BTG4: variants seen among roughly 807,000 people sequenced by gnomAD.
The protein encoded by BTG4 is BTG anti-proliferation factor 4, also known as protein BTG4.
A neutral mutation model predicts 19.3 loss-of-function variants in BTG4; 10 were observed. That is an observed-to-expected ratio of 0.52 (90% CI 0.32 to 0.88). The LOEUF is 0.88. Among genes scored for constraint, BTG4 ranks in the 40% least tolerant of loss-of-function variants. The pLI, the probability that BTG4 is intolerant of heterozygous loss-of-function variation, is 0.04. For synonymous variants in BTG4, 91 were observed against 95.7 expected (o/e 0.95, Z 0.29); for missense variants, 238 against 281.9 (o/e 0.84, Z 1.11).
chr11:111,387,201 T>C, the BTG4 span, among the ~76,000 whole-genome samples: 1 of 152,214 alleles, frequency 6.6e-6, no homozygotes, highest in Non-Finnish European at 1.5e-5. Context: ...CTTCAAACTT[T>C]ACCAATTTCT....
chr11:111,425,669 G>A, the BTG4 span, among the ~76,000 whole-genome samples: 1 of 152,144 alleles, frequency 6.6e-6, no homozygotes, highest in Non-Finnish European at 1.5e-5. Context: ...AATAGGGTAT[G>A]AATGCAAGAG....
chr11:111,408,190 G>A, the BTG4 span, among the ~76,000 whole-genome samples: 4 of 152,220 alleles, frequency 2.6e-5, no homozygotes, highest in African/African-American at 7.2e-5. Flanking sequence ...CACTGGAGCT[G>A]AGGCCACACT....
intron 1 of BTG4, among the ~76,000 whole-genome samples, chr11:111,510,057 G>T (rs547441488): frequency 6.6e-6 from 1 of 151,590 alleles, no homozygotes; most frequent in East Asian, 2.0e-4. Context: ...AACTACAGGC[G>T]CGCACCACCA....
At chr11:111,432,224 CG>C in the BTG4 span, among the ~76,000 whole-genome samples, 1 of 152,170 alleles carries the variant, frequency 6.6e-6, no homozygotes, top group African/African-American at 2.4e-5. Context: ...CAGGGTATTT[CG>C]CTGTGGAGCC....
At position 111,497,015 on chromosome 11, in the gene BTG4, C is replaced by T. The variant is rs1865777556; in HGVS notation, c.510+196G>A. 1.4e-5 allele frequency: 6 copies of T among 441,496 alleles called. No individual in the cohort carries two copies. In the East Asian group the frequency reaches 2.0e-4, roughly 15 times the overall value. The allele number at this position is 441,496 out of a possible 1,614,324, so 27.3% of individuals were successfully genotyped here. Reference sequence around the variant, plus strand: ...TAAAAGATTATGTGGATCCTAAAAGCTCAGCCAAGTGTAGGGAATACATTG... The same window carrying T: ...TAAAAGATTATGTGGATCCTAAAAGTTCAGCCAAGTGTAGGGAATACATTG... On this transcript the variant is annotated intron_variant, in intron 4 of 4. Coordinates refer to ENST00000692032, the MANE Select transcript of BTG4 (RefSeq NM_001367975.1).
chr11:111,421,270 A>T, the BTG4 span, among the ~76,000 whole-genome samples: 1 of 152,220 alleles, frequency 6.6e-6, no homozygotes, highest in Non-Finnish European at 1.5e-5. Flanking sequence ...ATGAGATGGC[A>T]TAATTAGCTA....
the BTG4 span, chr11:111,397,470 TTC>T: frequency 6.6e-6 from 1 of 152,332 alleles, no homozygotes; most frequent in African/African-American, 2.4e-5. Context: ...ACACCAGCGC[TTC>T]TCTCTGTCTA....
chr11:111,487,205 T>C (rs990503968), intron 5 of BTG4, among the ~76,000 whole-genome samples: 1 of 152,258 alleles, frequency 6.6e-6, no homozygotes, highest in African/African-American at 2.4e-5. Flanking sequence ...CCACATTTTC[T>C]TTATCCAGAC....
At chr11:111,460,989 T>C in the BTG4 span, among the ~76,000 whole-genome samples, 1 of 152,204 alleles carries the variant, frequency 6.6e-6, no homozygotes, top group Admixed American at 6.5e-5. Flanking sequence ...TCCCATTTAT[T>C]TTTATGTTTA....
the BTG4 span, among the ~76,000 whole-genome samples, chr11:111,420,840 C>A: frequency 6.6e-6 from 1 of 152,146 alleles, no homozygotes; most frequent in Non-Finnish European, 1.5e-5. Flanking sequence ...TACATTCTAG[C>A]AGAGAAAAAT....
the BTG4 span, among the ~76,000 whole-genome samples, chr11:111,445,346 A>G: frequency 6.6e-6 from 1 of 152,168 alleles, no homozygotes; most frequent in South Asian, 2.1e-4. Flanking sequence ...CTGGATTCAC[A>G]GCAAAGCCTC....
intron 1 of BTG4, among the ~76,000 whole-genome samples, chr11:111,500,255 C>T (rs1271141745): frequency 9.2e-5 from 14 of 152,208 alleles, no homozygotes; most frequent in African/African-American, 3.4e-4. Flanking sequence ...ATCAAGTTCC[C>T]CCAGGTGATT....
chr11:111,435,746 C>A, the BTG4 span, among the ~76,000 whole-genome samples: 1 of 152,150 alleles, frequency 6.6e-6, no homozygotes, highest in Non-Finnish European at 1.5e-5. Flanking sequence ...CAGCCCTCAA[C>A]CCCCCAGGGT....
At chr11:111,393,371 C>T in the BTG4 span, among the ~76,000 whole-genome samples, 1 of 152,140 alleles carries the variant, frequency 6.6e-6, no homozygotes, top group Non-Finnish European at 1.5e-5. Context: ...TCCTTGCAGC[C>T]CTCCACACCC....
chr11:111,513,242 G>A (rs949632577), upstream of BTG4, among the ~76,000 whole-genome samples: 6 of 152,234 alleles, frequency 3.9e-5, no homozygotes, highest in African/African-American at 1.4e-4. Flanking sequence ...TGCCAGGAAA[G>A]CAAAATCCCT....
At chr11:111,395,960 G>A in the BTG4 span, among the ~76,000 whole-genome samples, 10 of 152,304 alleles carry the variant, frequency 6.6e-5, no homozygotes, top group South Asian at 4.1e-4. Context: ...CGCAGAAGCC[G>A]CCCCGGAGGC....
intron 5 of BTG4, among the ~76,000 whole-genome samples, chr11:111,481,822 C>T (rs1864758677): frequency 6.6e-6 from 1 of 151,646 alleles, no homozygotes; most frequent in Non-Finnish European, 1.5e-5. Flanking sequence ...AGGGAACTTC[C>T]TCAATTTGAT....
chr11:111,507,283 T>C (rs1045600235), intron 1 of BTG4, among the ~76,000 whole-genome samples: 2 of 152,222 alleles, frequency 1.3e-5, no homozygotes, highest in African/African-American at 2.4e-5. Flanking sequence ...GTTTATTAAC[T>C]TTCTTCAGCT....
intron 5 of BTG4, among the ~76,000 whole-genome samples, chr11:111,489,008 G>C (rs1306830188): frequency 6.7e-6 from 1 of 149,636 alleles, no homozygotes; most frequent in African/African-American, 2.5e-5. Flanking sequence ...AGCCAGGCAT[G>C]GTGGTGCATG....
Sources: gnomAD v4.1 joint callset for allele counts (sites outside exome capture counted in the v4.1 genomes callset) on GRCh38, gnomAD v4.1.1 for gene constraint, MANE v1.5 for transcripts, NCBI Gene and HGNC (gene_info 2026-07-23, HGNC 2026-07-21) for gene names.